INPP5A: variants seen among roughly 807,000 people sequenced by gnomAD.
The protein encoded by INPP5A is inositol polyphosphate-5-phosphatase A, also known as 43 kDa inositol polyphosphate 5-phophatase.
In INPP5A, 14 loss-of-function variants were observed where a neutral mutation model predicts 65.2. That is an observed-to-expected ratio of 0.21 (90% CI 0.14 to 0.34). INPP5A has a LOEUF of 0.34. Among genes scored for constraint, INPP5A ranks in the 10% least tolerant of loss-of-function variants. The pLI, the probability that INPP5A is intolerant of heterozygous loss-of-function variation, is 1.00. For synonymous variants in INPP5A, 207 were observed against 208.3 expected, an observed-to-expected ratio of 0.99 and a Z score of 0.05; for missense variants, 431 against 545.6, an observed-to-expected ratio of 0.79 and a Z score of 2.09.
intron 2 of INPP5A, among the ~76,000 whole-genome samples, chr10:132,636,473 T>C (rs2072353999): frequency 6.6e-6 from 1 of 152,154 alleles, no homozygotes; most frequent in African/African-American, 2.4e-5. Context: ...TGTATACAAA[T>C]TTAAAAAATG....
At chr10:132,755,047 ATG>A (rs1378202299) in intron 11 of INPP5A, among the ~76,000 whole-genome samples, 8 of 149,876 alleles carry the variant, frequency 5.3e-5, no homozygotes, top group South Asian at 2.1e-4. Context: ...GATCGTATGC[ATG>A]TGTGTGATCA....
intron 9 of INPP5A, among the ~76,000 whole-genome samples, chr10:132,728,797 C>T (rs368764121): frequency 2.6e-5 from 4 of 152,222 alleles, no homozygotes; most frequent in South Asian, 2.1e-4. Flanking sequence ...GGGTCAGAGC[C>T]GTGGTGAGGC....
chr10:132,668,606 A>G (rs561330746), intron 4 of INPP5A, among the ~76,000 whole-genome samples: 1 of 152,346 alleles, frequency 6.6e-6, no homozygotes, highest in African/African-American at 2.4e-5. Flanking sequence ...GATTTAATTA[A>G]AGCATGATCA....
At position 132,741,821 on chromosome 10, in the gene INPP5A, C is replaced by T. The variant is rs921631056; in HGVS notation, c.733-7696C>T. On this transcript the variant is annotated intron_variant, in intron 9 of 15. Coordinates refer to ENST00000368594, the MANE Select transcript of INPP5A (RefSeq NM_005539.5). The surrounding 1 kb of genome is among the most constrained non-coding windows in gnomAD (Gnocchi z 4.4). Reference sequence around the variant, plus strand: ...AATAGCCGACGTAAACTGAGGTGGACGTTGGCGTCCGCGTCTGCTTGCTTT... The same window carrying T: ...AATAGCCGACGTAAACTGAGGTGGATGTTGGCGTCCGCGTCTGCTTGCTTT... Among the ~76,000 whole-genome samples, 1 of 151,746 alleles carries T rather than the reference C, an allele frequency of 6.6e-6. No homozygotes were observed. The highest frequency in any genetic ancestry group is 1.5e-5 in the Non-Finnish European group (1 of 67,980).
intron 4 of INPP5A, among the ~76,000 whole-genome samples, chr10:132,653,092 C>T (rs987560530): frequency 6.6e-6 from 1 of 152,236 alleles, no homozygotes; most frequent in African/African-American, 2.4e-5. Flanking sequence ...AAGGCACCCG[C>T]GTGCTGGGCC....
intron 6 of INPP5A, among the ~76,000 whole-genome samples, chr10:132,703,274 G>A (rs981314589): frequency 4.6e-5 from 7 of 152,088 alleles, no homozygotes; most frequent in Non-Finnish European, 8.8e-5. Flanking sequence ...GTTGTCATAC[G>A]TGCCTCCTGC....
At chr10:132,556,122 A>G (rs75327631) in intron 1 of INPP5A, among the ~76,000 whole-genome samples, 19,044 of 151,894 alleles carry the variant, frequency 0.13, 1,235 homozygotes, top group Middle Eastern at 0.14. Flanking sequence ...TGCCTGGCCC[A>G]GCCCCCGTGC....
At chr10:132,596,004 A>G (rs1023550164) in intron 1 of INPP5A, among the ~76,000 whole-genome samples, 3 of 152,164 alleles carry the variant, frequency 2.0e-5, no homozygotes, top group African/African-American at 4.8e-5. Flanking sequence ...GCTTTCTTTC[A>G]TATGGTGGCT....
At position 132,627,016 on chromosome 10, in the gene INPP5A, G is replaced by A. The variant is rs897015579; in HGVS notation, c.118-18852G>A. Among the ~76,000 whole-genome samples the A allele has an allele frequency of 2.0e-5, 3 of 152,168 alleles. No homozygotes were observed. Among genetic ancestry groups the A allele is most frequent in the Non-Finnish European group, 4.4e-5 (3 of 68,034 alleles). On this transcript the variant is annotated intron_variant, in intron 2 of 15. Coordinates refer to ENST00000368594, the MANE Select transcript of INPP5A (RefSeq NM_005539.5). The surrounding 1 kb of genome is among the most constrained non-coding windows in gnomAD (Gnocchi z 6.6). ...TGGTATTGAGGGGGGTGGGCCCTTT[G>A]GGAGGTGATGGGGTGAGATGAGGTT... is the stretch of plus-strand genomic sequence containing the variant.
intron 8 of INPP5A, among the ~76,000 whole-genome samples, chr10:132,718,918 T>C (rs1214634205): frequency 2.1e-5 from 3 of 146,112 alleles, no homozygotes; most frequent in Admixed American, 1.4e-4. Flanking sequence ...ACGGCTGTCT[T>C]GCGGGTTCTG....
chr10:132,643,976 C>A (rs2072460174), intron 2 of INPP5A, among the ~76,000 whole-genome samples: 1 of 152,156 alleles, frequency 6.6e-6, no homozygotes, highest in Non-Finnish European at 1.5e-5. Context: ...CCCACTCTTC[C>A]CCCACCCTCG....
intron 9 of INPP5A, among the ~76,000 whole-genome samples, chr10:132,735,060 C>T (rs1479902807): frequency 1.3e-5 from 2 of 152,300 alleles, no homozygotes; most frequent in South Asian, 4.1e-4. Context: ...ATCTCGAGCA[C>T]CTGTCCTTCC....
chr10:132,658,444 T>C lies in INPP5A; in HGVS notation c.306+7939T>C, dbSNP rs147079260. Among the ~76,000 whole-genome samples, 792 of 152,300 alleles carry C rather than the reference T, an allele frequency of 5.2e-3. 5 individuals carry two copies. Among genetic ancestry groups the C allele is most frequent in the African/African-American group, 0.018 (753 of 41,570 alleles). ...TCATAATTTTTTGTACATTTAGGCT[T>C]GACTCTTTTATTTCCTTCTAACAGA... On this transcript the variant is annotated intron_variant, in intron 4 of 15. Coordinates refer to ENST00000368594, the MANE Select transcript of INPP5A (RefSeq NM_005539.5).
chr10:132,694,728 T>C (rs1285823034), intron 5 of INPP5A, among the ~76,000 whole-genome samples: 1 of 152,208 alleles, frequency 6.6e-6, no homozygotes, highest in African/African-American at 2.4e-5. Flanking sequence ...CTGCCGATCC[T>C]GTGGACATTT....
Position 132,590,584 on chromosome 10 carries a change from C to G in INPP5A, c.76-17331C>G, listed in dbSNP as rs566780908. On this transcript the variant is annotated intron_variant, in intron 1 of 15. Coordinates refer to ENST00000368594, the MANE Select transcript of INPP5A (RefSeq NM_005539.5). ...CCGACCACCATGCTGGTCGCACCCT[C>G]CAGCGATGGGTCCTCGGTGCAGTGA... Among the ~76,000 whole-genome samples the G allele has an allele frequency of 9.1e-4, 139 of 152,296 alleles. 1 individual carries two copies. Among genetic ancestry groups the G allele is most frequent in the Middle Eastern group, 6.8e-3 (2 of 294 alleles).
intron 1 of INPP5A, among the ~76,000 whole-genome samples, chr10:132,598,180 T>C (rs915280269): frequency 2.0e-5 from 3 of 152,224 alleles, no homozygotes; most frequent in South Asian, 2.1e-4. Context: ...AGACTCAGTG[T>C]GTGGCTCGGC....
chr10:132,595,520 C>T (rs575314798), intron 1 of INPP5A, among the ~76,000 whole-genome samples: 31 of 152,188 alleles, frequency 2.0e-4, no homozygotes, highest in Admixed American at 3.9e-4. Flanking sequence ...ACCCACATTG[C>T]GGTGTTTGTT....
Position 132,630,063 on chromosome 10 carries a change from G to A in INPP5A, c.118-15805G>A, listed in dbSNP as rs58876236. 3.5e-3 allele frequency among the ~76,000 whole-genome samples: 537 copies of A among 152,230 alleles called. 3 individuals are homozygous for A. The highest frequency in any genetic ancestry group is 0.012 in the African/African-American group (515 of 41,534). The stretch of plus-strand genomic sequence containing the variant: ...GGTGTTCATGGAGGAGGGCGTCCTC[G>A]AGGATAGGGTACCCTCTAGGGAAAG... On this transcript the variant is annotated intron_variant, in intron 2 of 15. Transcript: ENST00000368594.
chr10:132,543,708 G>C (rs1003503663), intron 1 of INPP5A, among the ~76,000 whole-genome samples: 1 of 152,278 alleles, frequency 6.6e-6, no homozygotes, highest in African/African-American at 2.4e-5. Context: ...ATGAGCCACA[G>C]TGCCAAGTCT....
Sources: allele counts gnomAD v4.1 joint callset (sites outside exome capture counted in the v4.1 genomes callset), GRCh38; gene constraint gnomAD v4.1.1; non-coding constraint Gnocchi (gnomAD v3.1); transcripts MANE v1.5; gene names NCBI Gene and HGNC (gene_info 2026-07-23, HGNC 2026-07-21).